PTPRM: variants seen among roughly 807,000 people sequenced by gnomAD.
PTPRM encodes the protein protein tyrosine phosphatase receptor type M, also known as receptor-type tyrosine-protein phosphatase mu.
Under a neutral mutation model 186.7 loss-of-function variants are expected in PTPRM, and 47 were observed. That is an observed-to-expected ratio of 0.25 (90% CI 0.20 to 0.32). PTPRM has a LOEUF of 0.32. Among genes scored for constraint, PTPRM ranks in the 10% least tolerant of loss-of-function variants. PTPRM has a pLI of 1.00. For missense variants in PTPRM, 1,494 were observed against 1,865.0 expected (o/e 0.80, Z 3.66); for synonymous variants, 668 against 674.9 (o/e 0.99, Z 0.16).
At chr18:7,587,120 C>T (rs1188030257) in intron 1 of PTPRM, among the ~76,000 whole-genome samples, 1 of 151,928 alleles carries the variant, frequency 6.6e-6, no homozygotes, top group Non-Finnish European at 1.5e-5. Context: ...GGAGTATAAA[C>T]CTTTAAGTGT....
At chr18:8,273,720 T>A (rs2094800172) in intron 19 of PTPRM, among the ~76,000 whole-genome samples, 1 of 152,198 alleles carries the variant, frequency 6.6e-6, no homozygotes, top group Admixed American at 6.5e-5. Context: ...ATATGGGTCT[T>A]TTATAAGTTA....
intron 1 of PTPRM, among the ~76,000 whole-genome samples, chr18:7,600,776 A>G (rs2037381238): frequency 6.6e-6 from 1 of 152,154 alleles, no homozygotes; most frequent in Non-Finnish European, 1.5e-5. Flanking sequence ...AGCTTGCTTG[A>G]TGCACACCAG....
intron 14 of PTPRM, among the ~76,000 whole-genome samples, chr18:8,234,618 T>C (rs1400772424): frequency 6.6e-6 from 1 of 152,174 alleles, no homozygotes; most frequent in African/African-American, 2.4e-5. Flanking sequence ...TCCAAGAGGA[T>C]ATTGAAAAGT....
At chr18:7,698,357 G>A (rs1480000400) in intron 1 of PTPRM, among the ~76,000 whole-genome samples, 1 of 152,082 alleles carries the variant, frequency 6.6e-6, no homozygotes, top group African/African-American at 2.4e-5. Context: ...ATACCATTTG[G>A]CTCAATTTAC....
chr18:8,331,726 A>G (rs540794465), intron 22 of PTPRM, among the ~76,000 whole-genome samples: 1 of 152,222 alleles, frequency 6.6e-6, no homozygotes, highest in Non-Finnish European at 1.5e-5. Context: ...GGAGCCACTT[A>G]AGTGTGCACC....
intron 1 of PTPRM, among the ~76,000 whole-genome samples, chr18:7,719,400 T>G (rs2040405394): frequency 6.6e-6 from 1 of 151,760 alleles, no homozygotes; most frequent in Admixed American, 6.6e-5. Flanking sequence ...GCTGGGAGGG[T>G]GTGGGTGATA....
chr18:8,370,155 C>T (rs2095655192), intron 23 of PTPRM, among the ~76,000 whole-genome samples: 1 of 147,792 alleles, frequency 6.8e-6, no homozygotes. Flanking sequence ...TGGTCCTGCT[C>T]TCCTCTCGTT....
chr18:8,151,567 G>A (rs2093007227), intron 14 of PTPRM, among the ~76,000 whole-genome samples: 1 of 142,600 alleles, frequency 7.0e-6, no homozygotes. Context: ...ATGGATCTAA[G>A]TTTGCTGGGC....
At chr18:7,619,689 G>C (rs1193951702) in intron 1 of PTPRM, among the ~76,000 whole-genome samples, 1 of 152,174 alleles carries the variant, frequency 6.6e-6, no homozygotes, top group Non-Finnish European at 1.5e-5. Context: ...TCCCGAATGT[G>C]TTGTCCAATG....
intron 2 of PTPRM, among the ~76,000 whole-genome samples, chr18:7,801,102 T>C (rs183100989): frequency 8.5e-5 from 13 of 152,276 alleles, no homozygotes; most frequent in Admixed American, 1.3e-4. Context: ...TAGGCTGCAT[T>C]AAATTTATTT....
intron 13 of PTPRM, among the ~76,000 whole-genome samples, chr18:8,128,857 A>G (rs2092435641): frequency 6.6e-6 from 1 of 152,176 alleles, no homozygotes; most frequent in South Asian, 2.1e-4. Context: ...AAAACAATTT[A>G]ATTTTTTGAT....
At chr18:7,581,458 G>A (rs761214024) in intron 1 of PTPRM, among the ~76,000 whole-genome samples, 2 of 152,088 alleles carry the variant, frequency 1.3e-5, no homozygotes, top group Non-Finnish European at 2.9e-5. Flanking sequence ...CTATGCAGTC[G>A]ATGCTTGTTT....
intron 1 of PTPRM, among the ~76,000 whole-genome samples, chr18:7,738,900 C>T (rs553562231): frequency 6.6e-4 from 101 of 152,178 alleles, no homozygotes; most frequent in African/African-American, 1.7e-3. Flanking sequence ...AATGGTTTTG[C>T]CAGTATTCAG....
At chr18:7,707,093 GT>G (rs2040110855) in intron 1 of PTPRM, among the ~76,000 whole-genome samples, 1 of 152,060 alleles carries the variant, frequency 6.6e-6, no homozygotes, top group Admixed American at 6.5e-5. Flanking sequence ...GAAGGAGGTA[GT>G]TTTTAAAACC....
At chr18:7,736,200 T>C (rs1318737661) in intron 1 of PTPRM, among the ~76,000 whole-genome samples, 1 of 152,192 alleles carries the variant, frequency 6.6e-6, no homozygotes, top group Non-Finnish European at 1.5e-5. Context: ...CCTTAGTCAC[T>C]AAGTGGCTGG....
intron 7 of PTPRM, among the ~76,000 whole-genome samples, 180 bp from the exon 8 acceptor site, chr18:8,069,506 G>A (rs1568287265): frequency 6.6e-6 from 1 of 152,222 alleles, no homozygotes; most frequent in Non-Finnish European, 1.5e-5. Flanking sequence ...GAAAATAATG[G>A]AAACTTTCAT....
At chr18:7,904,910 G>A (rs1240684280) in intron 3 of PTPRM, among the ~76,000 whole-genome samples, 3 of 152,174 alleles carry the variant, frequency 2.0e-5, no homozygotes, top group African/African-American at 7.2e-5. Flanking sequence ...ATGATAGCCT[G>A]ACAACTGACA....
At chr18:7,864,395 A>G (rs2047562683) in intron 2 of PTPRM, among the ~76,000 whole-genome samples, 1 of 152,202 alleles carries the variant, frequency 6.6e-6, no homozygotes, top group Non-Finnish European at 1.5e-5. Flanking sequence ...GAAGGTGTCC[A>G]GTTTCAGTTT....
chr18:8,385,168 G>A (rs1331294468), intron 30 of PTPRM, among the ~76,000 whole-genome samples: 6 of 152,132 alleles, frequency 3.9e-5, no homozygotes, highest in African/African-American at 1.2e-4. Context: ...TATCAAACAT[G>A]GTCAGGTATT....
Sources: allele counts gnomAD v4.1 joint callset (sites outside exome capture counted in the v4.1 genomes callset), GRCh38; gene constraint gnomAD v4.1.1; transcripts MANE v1.5; gene names NCBI Gene and HGNC (gene_info 2026-07-23, HGNC 2026-07-21).